The following NLRP1 variants were observed in gnomAD, a reference collection of about 807,000 sequenced individuals.
NLRP1 encodes NACHT, LRR and PYD domains-containing protein 1.
NLRP1 carries 94 observed loss-of-function variants against 136.7 expected under a neutral mutation model. The ratio of observed to expected loss-of-function variants is 0.69; its 90% CI spans 0.58 to 0.82. NLRP1 has a LOEUF of 0.82. NLRP1 is among the 40% of genes least tolerant of loss of function. NLRP1 has a pLI of 0.00. For missense variants in NLRP1, 1,575 were observed against 1,802.7 expected (o/e 0.87, Z 2.29); for synonymous variants, 690 against 725.1 (o/e 0.95, Z 0.78).
intron 8 of NLRP1, among the ~76,000 whole-genome samples, chr17:5,535,573 C>G (rs35665358): frequency 0.056 from 8,514 of 152,270 alleles, 278 homozygotes; most frequent in Middle Eastern, 0.092. Flanking sequence ...GCAGACACTT[C>G]TGGGATAACC....
chr17:5,580,598 CTTTA>C (rs1433056643), intron 3 of NLRP1, among the ~76,000 whole-genome samples: 7 of 152,282 alleles, frequency 4.6e-5, no homozygotes, highest in Non-Finnish European at 2.9e-5. Flanking sequence ...TTGATGGAAA[CTTTA>C]TTTATAGCAA....
chr17:5,573,139 G>C (rs78673460), intron 3 of NLRP1, among the ~76,000 whole-genome samples: 1 of 152,218 alleles, frequency 6.6e-6, no homozygotes, highest in African/African-American at 2.4e-5. Flanking sequence ...CTTTTCCAAC[G>C]GTCTTTGCAA....
intron 14 of NLRP1, among the ~76,000 whole-genome samples, chr17:5,519,529 C>T (rs147513374): frequency 6.6e-6 from 1 of 151,376 alleles, no homozygotes; most frequent in Admixed American, 6.6e-5. Context: ...TCACTGCAAC[C>T]TCTGCCTCCC....
chr17:5,531,224 C>CTATCTATCTATG (rs1345686079), intron 11 of NLRP1, among the ~76,000 whole-genome samples: 1 of 146,340 alleles, frequency 6.8e-6, no homozygotes, highest in African/African-American at 2.6e-5. Flanking sequence ...ATCTATCTAT[C>CTATCTATCTATG]TAATCTATGG....
chr17:5,524,464 G>A (rs116678304), intron 12 of NLRP1, among the ~76,000 whole-genome samples: 4,909 of 152,276 alleles, frequency 0.032, 291 homozygotes, highest in African/African-American at 0.11. Context: ...ATATTCTGCA[G>A]AAAGCTTCTA....
rs200259296 is a variant in NLRP1 at position 5,521,730 on chromosome 17, G to T, written c.3577C>A (p.Leu1193Ile). The change falls in exon 13 of 17, where the codon CTC becomes ATC. Residue 1193 changes from leucine (L) to isoleucine (I), a missense_variant. Leu to Ile is a conservative substitution (Grantham distance 5, BLOSUM62 2). Transcript: ENST00000572272. ...TCCACCCTGGCTGGCTTCTCCAGGA[G>T]CATCCCCTCCTCTTTAAAGTGGGCC... ...QMAHFKEEGM[L>I]LEKPARVELH... The T allele has an allele frequency of 3.4e-5, 55 of 1,612,964 alleles. No individual in the cohort carries two copies. Among genetic ancestry groups the T allele is most frequent in the Non-Finnish European group, 4.6e-5 (54 of 1,179,916 alleles).
chr17:5,542,695 G>A (rs1362278224), intron 5 of NLRP1, among the ~76,000 whole-genome samples: 1 of 151,744 alleles, frequency 6.6e-6, no homozygotes, highest in Non-Finnish European at 1.5e-5. Flanking sequence ...GCTCCTTGAG[G>A]AAGGAATTTT....
Position 5,559,662 on chromosome 17 carries a change from C to T in NLRP1, c.1034G>A (p.Arg345Lys). The T allele has an allele frequency of 6.2e-7, 1 of 1,614,254 alleles. No individual in the cohort carries two copies. Among genetic ancestry groups the T allele is most frequent in the East Asian group, 2.2e-5 (1 of 44,892 alleles). ...AAGIGKSTLA[R>K]QVKEAWGRGQ... The stretch of plus-strand genomic sequence containing the variant: ...TCTCCCCCAGGCTTCCTTCACCTGC[C>T]TGGCCAGTGTTGACTTCCCAATTCC... Residue 345 changes from arginine to lysine, a missense_variant, in exon 4 of 17, where the codon AGG (arginine) becomes AAG (lysine). Transcript: ENST00000572272.
chr17:5,521,100 G>A, intron 13 of NLRP1, 88 bp from the exon 14 acceptor site: 1 of 1,356,016 alleles, frequency 7.4e-7, no homozygotes, highest in Non-Finnish European at 1.0e-6. Flanking sequence ...CTGTGTGTTT[G>A]TGTGGACAGA....
downstream of NLRP1, among the ~76,000 whole-genome samples, chr17:5,513,076 T>C (rs191908040): frequency 1.0e-3 from 158 of 152,348 alleles, 1 homozygote; most frequent in Non-Finnish European, 1.4e-3. Flanking sequence ...TCCTGCTTTA[T>C]AACTAAAGAT....
intron 4 of NLRP1, among the ~76,000 whole-genome samples, chr17:5,556,161 C>CACACAT (rs908575596): frequency 3.6e-4 from 43 of 118,408 alleles, no homozygotes; most frequent in Middle Eastern, 5.4e-3. Flanking sequence ...CACACACACA[C>CACACAT]ATGAAGGGCT....
At chr17:5,522,354 A>C in intron 12 of NLRP1, among the ~76,000 whole-genome samples, 1 of 152,336 alleles carries the variant, frequency 6.6e-6, no homozygotes, top group South Asian at 2.1e-4. Context: ...CATGAATGGG[A>C]TTAGTGCCCT....
intron 5 of NLRP1, among the ~76,000 whole-genome samples, chr17:5,547,138 A>C (rs1317534090): frequency 1.2e-4 from 18 of 152,174 alleles, no homozygotes; most frequent in Non-Finnish European, 1.5e-5. Context: ...CCCTAAATAC[A>C]CATCATACAT....
chr17:5,573,769 G>T (rs1000471942), intron 3 of NLRP1, among the ~76,000 whole-genome samples: 1 of 152,150 alleles, frequency 6.6e-6, no homozygotes, highest in South Asian at 2.1e-4. Context: ...ACTGTTAGAA[G>T]GAAAACTAAC....
Position 5,584,243 on chromosome 17 carries a change from A to T in NLRP1, c.-286T>A. 1.9e-6 allele frequency: 1 copy of T among 514,026 alleles called. No homozygotes were observed. Among genetic ancestry groups the T allele is most frequent in the African/African-American group, 1.9e-5 (1 of 52,008 alleles). The allele number at this position is 514,026 out of a possible 1,614,324, so 31.8% of individuals were successfully genotyped here. A position where few individuals can be genotyped will look rare whatever the true frequency, so the allele number is the denominator to read the frequency against. On this transcript the variant is annotated 5_prime_UTR_variant, in exon 1 of 17. Transcript: ENST00000572272. ...GGTCCAGGGCCAGGCAGGGAGGGTG[A>T]GGGTGAGGGGAGATGTGGTGACGGG...
At chr17:5,517,534 C>T (rs529575201) in intron 15 of NLRP1, among the ~76,000 whole-genome samples, 49 of 152,086 alleles carry the variant, frequency 3.2e-4, no homozygotes, top group South Asian at 6.2e-4. Flanking sequence ...ACTACAGGCA[C>T]GCGCTACCAC....
In NLRP1 at chr17:5,582,761, G is replaced by A; in HGVS notation, c.357C>T (p.Pro119=). The change falls in exon 2 of 17, where the codon CCC becomes CCT. Residue 119 remains proline, a synonymous_variant. Transcript: ENST00000572272. The part of the protein sequence containing the change: ...SQPTSTAVLM[P]WIHELPAGCT... ...ACCCCGCCGGCAATTCATGGATCCA[G>A]GGCATTAGCACTGCGGTGGAGGTGG... The A allele has an allele frequency of 6.2e-7, 1 of 1,614,150 alleles. No individual in the cohort carries two copies. The highest frequency in any genetic ancestry group is 8.5e-7 in the Non-Finnish European group (1 of 1,180,002).
intron 15 of NLRP1, 94 bp from the exon 16 acceptor site, chr17:5,515,611 C>T: frequency 9.8e-7 from 1 of 1,020,096 alleles, no homozygotes; most frequent in Non-Finnish European, 1.5e-6. Flanking sequence ...TTCTGAGATT[C>T]TTTGATTTAG....
In NLRP1 at chr17:5,583,745, G is replaced by A; in HGVS notation, c.213C>T (p.Leu71=). ...YGEQRAWDLA[L]HTWEQMGLRS... ...TCAGCCCCATCTGCTCCCAGGTATG[G>A]AGGGCTAGGTCCCAGGCCCGCTGCT... Residue 71 remains leucine, a synonymous_variant, in exon 1 of 17, where the codon CTC becomes CTT. Transcript: ENST00000572272. The surrounding 1 kb of genome is among the most constrained non-coding windows in gnomAD (Gnocchi z 4.5). The A allele has an allele frequency of 6.4e-7, 1 of 1,553,018 alleles. No homozygotes were observed. Among genetic ancestry groups the A allele is most frequent in the Non-Finnish European group, 8.7e-7 (1 of 1,148,082 alleles).
Sources: allele counts gnomAD v4.1 joint callset (sites outside exome capture counted in the v4.1 genomes callset), GRCh38; gene constraint gnomAD v4.1.1; non-coding constraint Gnocchi (gnomAD v3.1); transcripts MANE v1.5; gene names NCBI Gene and HGNC (gene_info 2026-07-23, HGNC 2026-07-21).